The following PDZD2 variants were observed in gnomAD, a reference collection of about 807,000 sequenced individuals.
PDZD2 encodes PDZ domain containing 2, also known as PDZ domain-containing protein 2.
A neutral mutation model predicts 220.7 loss-of-function variants in PDZD2; 90 were observed. The observed-to-expected ratio is 0.41, with a 90% CI of 0.34 to 0.49. The LOEUF (loss-of-function observed/expected upper bound fraction) is 0.49. Ranked by LOEUF, PDZD2 falls within the 20% of genes least tolerant of loss-of-function variation. PDZD2 has a pLI of 0.28. For synonymous variants in PDZD2, 1,375 were observed against 1,450.5 expected (o/e 0.95, Z 1.18); for missense variants, 3,174 against 3,608.5 (o/e 0.88, Z 3.08).
chr5:31,694,027 T>C (rs1747258730), intron 1 of PDZD2, among the ~76,000 whole-genome samples: 1 of 152,166 alleles, frequency 6.6e-6, no homozygotes, highest in African/African-American at 2.4e-5. Context: ...ATATTGTTTT[T>C]AAAGACAATG....
At chr5:31,763,288 G>A (rs573742491) in intron 1 of PDZD2, among the ~76,000 whole-genome samples, 7 of 152,248 alleles carry the variant, frequency 4.6e-5, no homozygotes, top group South Asian at 4.1e-4. Context: ...GTATCAGGCG[G>A]TCAGGATGAC....
At chr5:32,106,682 G>A (rs1744795952) in intron 24 of PDZD2, among the ~76,000 whole-genome samples, 1 of 152,202 alleles carries the variant, frequency 6.6e-6, no homozygotes, top group African/African-American at 2.4e-5. Flanking sequence ...TGAAGCCCAG[G>A]TGAACACTCA....
At chr5:31,862,351 G>A (rs1411065409) in intron 2 of PDZD2, among the ~76,000 whole-genome samples, 2 of 151,572 alleles carry the variant, frequency 1.3e-5, no homozygotes, top group African/African-American at 2.4e-5. Flanking sequence ...TGATCCACCC[G>A]TCTCGGCCTC....
At chr5:32,004,447 C>T (rs1305389151) in intron 5 of PDZD2, among the ~76,000 whole-genome samples, 1 of 152,130 alleles carries the variant, frequency 6.6e-6, no homozygotes, top group Non-Finnish European at 1.5e-5. Context: ...AAAAATTAGC[C>T]ATGCATGGTA....
intron 2 of PDZD2, among the ~76,000 whole-genome samples, chr5:31,897,296 T>TA (rs1741657261): frequency 6.6e-6 from 1 of 152,178 alleles, no homozygotes; most frequent in East Asian, 1.9e-4. Flanking sequence ...GAGTATCTCT[T>TA]ACCACAGTGT....
At chr5:31,849,402 A>C (rs1320153869) in intron 2 of PDZD2, among the ~76,000 whole-genome samples, 2 of 152,204 alleles carry the variant, frequency 1.3e-5, no homozygotes, top group Admixed American at 6.5e-5. Context: ...GAGATAATCT[A>C]AATAAAGTAC....
intron 2 of PDZD2, among the ~76,000 whole-genome samples, chr5:31,836,480 G>A (rs1027772617): frequency 4.6e-5 from 7 of 151,930 alleles, no homozygotes; most frequent in East Asian, 3.9e-4. Flanking sequence ...CACCTGCCTC[G>A]GCCTCCCAAA....
At chr5:32,058,642 C>A (rs958213163) in intron 12 of PDZD2, among the ~76,000 whole-genome samples, 6 of 138,682 alleles carry the variant, frequency 4.3e-5, no homozygotes, top group Admixed American at 2.3e-4. Flanking sequence ...CCACTGCACT[C>A]TAGCCTGGGC....
In PDZD2 at chr5:32,108,755, A is replaced by AT. The variant is rs1052646244; in HGVS notation, c.*626dup. The AT allele has an allele frequency of 3.3e-5, 5 of 152,610 alleles. No individual in the cohort carries two copies. The highest frequency in any genetic ancestry group is 5.9e-5 in the Non-Finnish European group (4 of 68,038). 9.5% of individuals were successfully genotyped at this position (152,610 alleles called of 1,614,324 possible). A position where few individuals can be genotyped will look rare whatever the true frequency, so the allele number is the denominator to read the frequency against. On this transcript the variant is annotated 3_prime_UTR_variant, in exon 25 of 25. Coordinates refer to ENST00000438447, the MANE Select transcript of PDZD2 (RefSeq NM_178140.4). ...AAAAGCAAAATAATTAATTGAGAGT[A>AT]TTTTTTAGTGAGTGTAATGTATAAT...
intron 1 of PDZD2, among the ~76,000 whole-genome samples, chr5:31,745,224 A>C (rs1396270545): frequency 6.6e-6 from 1 of 152,176 alleles, no homozygotes; most frequent in Non-Finnish European, 1.5e-5. Context: ...ATTTGTGTTT[A>C]TTGTAGAAAA....
At chr5:31,965,495 A>C (rs1191278714) in intron 2 of PDZD2, among the ~76,000 whole-genome samples, 1 of 152,234 alleles carries the variant, frequency 6.6e-6, no homozygotes, top group Non-Finnish European at 1.5e-5. Context: ...GAGAATCGCC[A>C]TGTTTGGGTA....
intron 2 of PDZD2, among the ~76,000 whole-genome samples, chr5:31,969,509 C>CA (rs56755290): frequency 0.012 from 638 of 51,394 alleles, 147 homozygotes; most frequent in African/African-American, 0.052. Flanking sequence ...GCCCCCTCTC[C>CA]AAAAAAAAAA....
At chr5:31,689,717 A>G (rs4867076) in intron 1 of PDZD2, among the ~76,000 whole-genome samples, 82,143 of 151,536 alleles carry the variant, frequency 0.54, 22,525 homozygotes, top group East Asian at 0.75. Flanking sequence ...TCTGTTCCCA[A>G]AGAGGGTTCA....
chr5:31,956,284 C>T (rs922350561), intron 2 of PDZD2, among the ~76,000 whole-genome samples: 1 of 149,678 alleles, frequency 6.7e-6, no homozygotes. Context: ...TTATATGTTT[C>T]GGTGCACCAA....
At chr5:32,085,135 C>T (rs992057700) in intron 19 of PDZD2, among the ~76,000 whole-genome samples, 1 of 150,774 alleles carries the variant, frequency 6.6e-6, no homozygotes, top group African/African-American at 2.4e-5. Flanking sequence ...TTGTATTTTT[C>T]GTAGAGATAG....
intron 4 of PDZD2, among the ~76,000 whole-genome samples, chr5:31,997,293 C>T (rs1751710659): frequency 1.3e-5 from 2 of 152,138 alleles, no homozygotes; most frequent in South Asian, 4.1e-4. Flanking sequence ...ACATGAGGTA[C>T]AGTTGAAGGA....
At chr5:31,962,236 A>G (rs1748311295) in intron 2 of PDZD2, among the ~76,000 whole-genome samples, 1 of 152,136 alleles carries the variant, frequency 6.6e-6, no homozygotes, top group South Asian at 2.1e-4. Flanking sequence ...TGTGTATCTT[A>G]ACTTCTCTTT....
chr5:31,891,710 C>T (rs949225268), intron 2 of PDZD2, among the ~76,000 whole-genome samples: 1 of 152,146 alleles, frequency 6.6e-6, no homozygotes, highest in Admixed American at 6.6e-5. Flanking sequence ...GGTGAATGCT[C>T]ACCAACGCTG....
intron 20 of PDZD2, among the ~76,000 whole-genome samples, chr5:32,091,625 A>G (rs1743172546): frequency 6.6e-6 from 1 of 152,024 alleles, no homozygotes; most frequent in Non-Finnish European, 1.5e-5. Flanking sequence ...TCTCATAACC[A>G]CGGTCCATTC....
Sources: allele counts gnomAD v4.1 joint callset (sites outside exome capture counted in the v4.1 genomes callset), GRCh38; gene constraint gnomAD v4.1.1; transcripts MANE v1.5; gene names NCBI Gene and HGNC (gene_info 2026-07-23, HGNC 2026-07-21).